Variants in ZCCHC7 observed in about 807,000 individuals in gnomAD.
The protein encoded by ZCCHC7 is zinc finger CCHC-type containing 7, also known as zinc finger CCHC domain-containing protein 7.
Under a neutral mutation model 52.0 loss-of-function variants are expected in ZCCHC7, and 35 were observed. The observed-to-expected ratio is 0.67, with a 90% CI of 0.51 to 0.89. The LOEUF is 0.89. Ranked by LOEUF, ZCCHC7 falls within the 40% of genes least tolerant of loss-of-function variation. ZCCHC7 has a pLI of 0.00. For missense variants in ZCCHC7, 574 were observed against 649.1 expected, an observed-to-expected ratio of 0.88 and a Z score of 1.26; for synonymous variants, 217 against 221.5, an observed-to-expected ratio of 0.98 and a Z score of 0.18.
At position 37,126,679 on chromosome 9, in the gene ZCCHC7, C is replaced by T. The variant is rs1842551139; in HGVS notation, c.347C>T (p.Ala116Val). 2 of 1,613,964 alleles carry T rather than the reference C, an allele frequency of 1.2e-6. No individual in the cohort carries two copies. The highest frequency in any genetic ancestry group is 2.2e-5 in the East Asian group (1 of 44,886). The change falls in exon 2 of 9, where the codon GCC (alanine) becomes GTC (valine). Residue 116 changes from alanine (A) to valine (V), a missense_variant. Physicochemically the swap from Ala to Val is moderately conservative, Grantham distance 64 (BLOSUM62 0). Transcript: ENST00000336755. ...KNVRVQAQENAHGLSSSLQSN... is the reference protein window; with the variant it reads ...KNVRVQAQENVHGLSSSLQSN... ...GTTAGAGTTCAAGCACAAGAAAATG[C>T]CCATGGTCTTTCTTCTTCTCTTCAA...
intron 2 of ZCCHC7, among the ~76,000 whole-genome samples, chr9:37,141,469 A>G (rs1209895457): frequency 1.3e-5 from 2 of 151,872 alleles, no homozygotes; most frequent in Non-Finnish European, 2.9e-5. Context: ...AACAGAAGCA[A>G]TTTAATTTTT....
At chr9:37,233,155 A>G (rs1271242344) in intron 2 of ZCCHC7, among the ~76,000 whole-genome samples, 1 of 152,206 alleles carries the variant, frequency 6.6e-6, no homozygotes, top group African/African-American at 2.4e-5. Flanking sequence ...AGCCCATTGC[A>G]TGTAGAAAAT....
At chr9:37,199,478 T>A (rs2133150100) in intron 2 of ZCCHC7, among the ~76,000 whole-genome samples, 1 of 149,876 alleles carries the variant, frequency 6.7e-6, no homozygotes, top group East Asian at 2.0e-4. Context: ...ATTATAGGCA[T>A]ACACCACCAC....
intron 5 of ZCCHC7, among the ~76,000 whole-genome samples, chr9:37,306,895 C>G (rs1588645649): frequency 6.8e-6 from 1 of 146,588 alleles, no homozygotes; most frequent in East Asian, 2.1e-4. Flanking sequence ...TCAAGTGATT[C>G]TCCTGCCTCA....
At chr9:37,145,626 A>G (rs555608234) in intron 2 of ZCCHC7, among the ~76,000 whole-genome samples, 66 of 152,068 alleles carry the variant, frequency 4.3e-4, no homozygotes, top group Non-Finnish European at 4.6e-4. Context: ...TCTTTATGCT[A>G]TTATAAATAA....
At chr9:37,260,845 A>G (rs1179368362) in intron 2 of ZCCHC7, among the ~76,000 whole-genome samples, 1 of 152,218 alleles carries the variant, frequency 6.6e-6, no homozygotes, top group Non-Finnish European at 1.5e-5. Context: ...CTGGGGTTCT[A>G]AGAGGAAGGC....
Position 37,126,433 on chromosome 9 carries a change from A to G in ZCCHC7, c.101A>G (p.Gln34Arg), listed in dbSNP as rs773684813. 1 of 1,613,914 alleles carries G rather than the reference A, an allele frequency of 6.2e-7. No individual in the cohort carries two copies. ...ELSVDSEVEF[Q>R]LYSQIHYAQD... ...AGTGTTGATAGTGAGGTGGAATTTC[A>G]ACTCTATAGCCAAATTCATTATGCC... The change falls in exon 2 of 9, where the codon CAA becomes CGA. Residue 34 changes from glutamine to arginine, a missense_variant. Physicochemically the swap from Gln to Arg is conservative, Grantham distance 43 (BLOSUM62 1). Around this residue, in one of 3 missense-constraint regions of ZCCHC7, gnomAD observed 403 missense variants for 461.2 expected, o/e 0.87. Transcript: ENST00000336755.
At chr9:37,161,356 C>T (rs1376880398) in intron 2 of ZCCHC7, among the ~76,000 whole-genome samples, 2 of 152,182 alleles carry the variant, frequency 1.3e-5, no homozygotes, top group Admixed American at 6.5e-5. Flanking sequence ...GGGCAGATCA[C>T]GAGGTTAGGA....
chr9:37,330,994 T>C (rs1830429133), intron 6 of ZCCHC7, among the ~76,000 whole-genome samples: 1 of 151,758 alleles, frequency 6.6e-6, no homozygotes, highest in Admixed American at 6.6e-5. Flanking sequence ...GAGGGCTGTA[T>C]GTGTTAAGAA....
At chr9:37,181,269 G>A (rs1329194108) in intron 2 of ZCCHC7, among the ~76,000 whole-genome samples, 1 of 152,022 alleles carries the variant, frequency 6.6e-6, no homozygotes, top group Non-Finnish European at 1.5e-5. Flanking sequence ...ATTTAATGTA[G>A]AATGAATAAA....
intron 2 of ZCCHC7, among the ~76,000 whole-genome samples, chr9:37,208,298 C>T (rs1056688650): frequency 3.3e-5 from 5 of 152,108 alleles, no homozygotes; most frequent in African/African-American, 1.2e-4. Flanking sequence ...GTTGCCCAGG[C>T]TGGTCTTGAA....
At chr9:37,156,955 T>C (rs1416647669) in intron 2 of ZCCHC7, among the ~76,000 whole-genome samples, 1 of 152,102 alleles carries the variant, frequency 6.6e-6, no homozygotes, top group South Asian at 2.1e-4. Context: ...TAGTACAGTG[T>C]AGTGTTTCAC....
chr9:37,197,740 A>T lies in ZCCHC7; in HGVS notation c.610+70798A>T, dbSNP rs201697248. On this transcript the variant is annotated intron_variant, in intron 2 of 8. Transcript: ENST00000336755. ...CAAAACAGCAATTGCACTATTCTGG[A>T]TTTGATGTTTTGTTAAAAAAAAAAA... Among the ~76,000 whole-genome samples the T allele has an allele frequency of 9.2e-5, 14 of 152,134 alleles. No homozygotes were observed. The East Asian group carries it at 2.5e-3, about 27-fold the overall frequency.
At chr9:37,333,938 A>G (rs1830546884) in intron 6 of ZCCHC7, 1 of 151,882 alleles carries the variant, frequency 6.6e-6, no homozygotes, top group Non-Finnish European at 1.5e-5. Context: ...GCAACTCTGC[A>G]CTTTTAAAGA....
chr9:37,199,114 T>A (rs1048299616), intron 2 of ZCCHC7, among the ~76,000 whole-genome samples: 1 of 152,094 alleles, frequency 6.6e-6, no homozygotes, highest in African/African-American at 2.4e-5. Context: ...CATAGTAATT[T>A]AAATGGCCAA....
chr9:37,165,202 A>G (rs561610366), intron 2 of ZCCHC7, among the ~76,000 whole-genome samples: 3 of 152,142 alleles, frequency 2.0e-5, no homozygotes, highest in Non-Finnish European at 4.4e-5. Flanking sequence ...ATCACTTACT[A>G]GTTCTAGAAT....
chr9:37,138,358 G>A (rs1458891516), intron 2 of ZCCHC7, among the ~76,000 whole-genome samples: 1 of 151,998 alleles, frequency 6.6e-6, no homozygotes, highest in Non-Finnish European at 1.5e-5. Flanking sequence ...GCTTTGGGTT[G>A]GATTTTAATA....
intron 6 of ZCCHC7, among the ~76,000 whole-genome samples, chr9:37,337,746 C>T (rs1830745176): frequency 6.6e-6 from 1 of 151,914 alleles, no homozygotes; most frequent in Non-Finnish European, 1.5e-5. Flanking sequence ...AATATAGATA[C>T]CTATAATATC....
chr9:37,149,736 C>T (rs553693137), intron 2 of ZCCHC7, among the ~76,000 whole-genome samples: 1 of 152,182 alleles, frequency 6.6e-6, no homozygotes, highest in East Asian at 1.9e-4. Flanking sequence ...CTTAATAGTT[C>T]ATGTGTCAGC....
Sources: gnomAD v4.1 joint callset for allele counts (sites outside exome capture counted in the v4.1 genomes callset) on GRCh38, gnomAD v4.1.1 for gene constraint, gnomAD v4.1.1 regional missense constraint, MANE v1.5 for transcripts, NCBI Gene and HGNC (gene_info 2026-07-23, HGNC 2026-07-21) for gene names.